Variants in SP2 observed in about 807,000 individuals in gnomAD.
SP2 encodes the protein Sp2 transcription factor.
Under a neutral mutation model 50.1 loss-of-function variants are expected in SP2, and 9 were observed. That is an observed-to-expected ratio of 0.18 (90% CI 0.11 to 0.31). The LOEUF (loss-of-function observed/expected upper bound fraction) is 0.31, where lower values mean the gene tolerates loss of function less well. Among genes scored for constraint, SP2 ranks in the 10% least tolerant of loss-of-function variants. The probability of loss-of-function intolerance (pLI) is 1.00; values close to 1 mark genes in which losing one functional copy is unlikely to be tolerated. For missense variants in SP2, 581 were observed against 806.5 expected (o/e 0.72, Z 3.39); for synonymous variants, 313 against 326.6 (o/e 0.96, Z 0.45).
chr17:47,915,519 A>G (rs997106775), intron 2 of SP2, 131 bp downstream of exon 2: 3 of 541,228 alleles, frequency 5.5e-6, no homozygotes, highest in Non-Finnish European at 9.4e-6. Context: ...AGTTAGCCAC[A>G]TTTTCTTTAC....
At position 47,928,159 on chromosome 17, in the gene SP2, C is replaced by T. The variant is rs971837957; in HGVS notation, c.*335C>T. On this transcript the variant is annotated 3_prime_UTR_variant, in exon 7 of 7. Coordinates refer to ENST00000376741, the MANE Select transcript of SP2 (RefSeq NM_003110.6). ...TCACTCCGTCGAGGAGCAAAGTGAG[C>T]CCCTACCCCCCACCCCGATCCCCGC... 2 of 215,286 alleles carry T rather than the reference C, an allele frequency of 9.3e-6. No homozygotes were observed. Among genetic ancestry groups the T allele is most frequent in the Non-Finnish European group, 9.7e-6 (1 of 103,574 alleles). 13.3% of individuals were successfully genotyped at this position (215,286 alleles called of 1,614,324 possible).
chr17:47,915,487 G>T, intron 2 of SP2, 99 bp downstream of exon 2: 1 of 707,176 alleles, frequency 1.4e-6, no homozygotes, highest in Non-Finnish European at 2.3e-6. Flanking sequence ...AATACCCTAG[G>T]TTATGAGACT....
intron 1 of SP2, among the ~76,000 whole-genome samples, chr17:47,897,018 G>C (rs1030744073): frequency 5.3e-5 from 8 of 152,246 alleles, no homozygotes; most frequent in Non-Finnish European, 1.2e-4. Flanking sequence ...AGAAGTTTGA[G>C]AACTTCTTGC....
In SP2 at chr17:47,916,106, G is replaced by C; in HGVS notation, c.85-50G>C. Reference sequence around the variant, plus strand: ...GAGAGGATCATGGACAGAGGCGGCCGGGCAGCGGGCCTTCCTGTCTCACTC... The same window carrying C: ...GAGAGGATCATGGACAGAGGCGGCCCGGCAGCGGGCCTTCCTGTCTCACTC... On this transcript the variant is annotated intron_variant, in intron 2 of 6. Transcript: ENST00000376741. The surrounding 1 kb of genome is among the most constrained non-coding windows in gnomAD (Gnocchi z 4.7). 6.4e-7 allele frequency: 1 copy of C among 1,553,722 alleles called. No individual in the cohort carries two copies. Among genetic ancestry groups the C allele is most frequent in the Non-Finnish European group, 8.7e-7 (1 of 1,150,524 alleles).
Position 47,925,453 on chromosome 17 carries a change from C to T in SP2, c.1653C>T (p.Gly551=), listed in dbSNP as rs148743427. Residue 551 remains glycine (G), a synonymous_variant, in exon 6 of 7, where the codon GGC becomes GGT. Transcript: ENST00000376741. ...LLRAHVRLHT[G]ERPFVCNWFF... is the part of the protein sequence containing the mutation. ...GTGCCCATGTGCGCCTGCACACTGG[C>T]GAGCGGCCCTTTGTCTGCAACTGGT... The T allele has an allele frequency of 7.4e-6, 12 of 1,614,106 alleles. No individual in the cohort carries two copies. Among genetic ancestry groups the T allele is most frequent in the African/African-American group, 5.3e-5 (4 of 74,942 alleles).
In SP2 at chr17:47,916,638, G is replaced by A. The variant is rs370442344; in HGVS notation, c.567G>A (p.Thr189=). ...IKPAPIQKSS[T]TTTPVQSGAN... Reference sequence around the variant, plus strand: ...CAGCCCCCATCCAGAAGTCGAGTACGACCACCACCCCCGTGCAGAGCGGGG... The same window carrying A: ...CAGCCCCCATCCAGAAGTCGAGTACAACCACCACCCCCGTGCAGAGCGGGG... Residue 189 remains threonine, a synonymous_variant, in exon 3 of 7, where the codon ACG becomes ACA. Coordinates refer to ENST00000376741, the MANE Select transcript of SP2 (RefSeq NM_003110.6). The surrounding 1 kb of genome is among the most constrained non-coding windows in gnomAD (Gnocchi z 4.7). 3.3e-5 allele frequency: 53 copies of A among 1,613,858 alleles called. No homozygotes were observed. The Admixed American group carries it at 8.0e-4, about 24-fold the overall frequency.
downstream of SP2, among the ~76,000 whole-genome samples, chr17:47,931,342 G>A (rs138959619): frequency 1.3e-5 from 2 of 152,142 alleles, no homozygotes; most frequent in East Asian, 1.9e-4. Context: ...GCAAGACTCT[G>A]TCTCAAAAAA....
intron 3 of SP2, among the ~76,000 whole-genome samples, chr17:47,922,251 G>C (rs1406128535): frequency 1.3e-5 from 2 of 151,956 alleles, no homozygotes; most frequent in African/African-American, 4.8e-5. Flanking sequence ...TACCCACCAC[G>C]GACACCCTCC....
At chr17:47,925,601 C>A in intron 6 of SP2, 60 bp downstream of exon 6, 1 of 1,358,956 alleles carries the variant, frequency 7.4e-7, no homozygotes, top group African/African-American at 1.4e-5. Context: ...CCTCTCCTCC[C>A]ACCCCCACTC....
At position 47,923,052 on chromosome 17, in the gene SP2, T is replaced by G. The variant is rs751474678; in HGVS notation, c.1150T>G (p.Cys384Gly). 1.2e-6 allele frequency: 2 copies of G among 1,614,078 alleles called. No homozygotes were observed. The highest frequency in any genetic ancestry group is 2.7e-5 in the African/African-American group (2 of 74,930). ...AGCTGCAGCCACCTCTAACACCACC[T>G]GTAGCAGCCCTGCATCCCGTGCTCC... Reference protein sequence around the residue: ...ATAAATSNTTCSSPASRAPHL... With the variant: ...ATAAATSNTTGSSPASRAPHL... Residue 384 changes from cysteine (C) to glycine (G), a missense_variant, in exon 4 of 7, where the codon TGT (cysteine) becomes GGT (glycine). Cys to Gly is a radical substitution (Grantham distance 159). Transcript: ENST00000376741.
chr17:47,927,209 T>C (rs1047386966), intron 6 of SP2, among the ~76,000 whole-genome samples: 5 of 150,700 alleles, frequency 3.3e-5, no homozygotes, highest in Admixed American at 1.3e-4. Context: ...AAATGGGGGG[T>C]CAGAGAGAAA....
chr17:47,916,195 T>C lies in SP2; in HGVS notation c.124T>C (p.Cys42Arg). ...TCCCTTAGCCCTGCTTGCTGCAACA[T>C]GTAGCAAAATTGGCCCTCCAGCAGT... ...PSPLALLAAT[C>R]SKIGPPAVEA... Residue 42 changes from cysteine (C) to arginine (R), a missense_variant, in exon 3 of 7, where the codon TGT (cysteine) becomes CGT (arginine). Physicochemically the swap from Cys to Arg is radical, Grantham distance 180. This residue lies in a region of SP2 where 397 missense variants were observed against 491.0 expected (regional missense o/e 0.81). Coordinates refer to ENST00000376741, the MANE Select transcript of SP2 (RefSeq NM_003110.6). This position sits in a 1 kb window ranked among gnomAD's most constrained non-coding sequence, Gnocchi z 4.7. The C allele has an allele frequency of 6.2e-7, 1 of 1,613,630 alleles. No individual in the cohort carries two copies. Among genetic ancestry groups the C allele is most frequent in the Non-Finnish European group, 8.5e-7 (1 of 1,179,718 alleles).
chr17:47,931,324 G>A (rs145135423), downstream of SP2, among the ~76,000 whole-genome samples: 39 of 152,284 alleles, frequency 2.6e-4, no homozygotes, highest in East Asian at 7.5e-3. Context: ...TCCAGCCTGG[G>A]TGACAGAGCA....
In SP2 at chr17:47,916,783, A is replaced by G. The variant is rs1298323954; in HGVS notation, c.712A>G (p.Thr238Ala). The change falls in exon 3 of 7, where the codon ACC becomes GCC. Residue 238 changes from threonine (T) to alanine (A), a missense_variant. By Grantham distance (58) the Thr-to-Ala change is moderately conservative. Transcript: ENST00000376741. The surrounding 1 kb of genome is among the most constrained non-coding windows in gnomAD (Gnocchi z 4.7). ...TCAGCTCCTCACTGAAAGCCCCCCA[A>G]CCCCGCTGTCTAAGACTAACAAGAA... ...PTQLLTESPPTPLSKTNKKAR... is the reference protein window; with the variant it reads ...PTQLLTESPPAPLSKTNKKAR... The G allele has an allele frequency of 6.2e-7, 1 of 1,613,840 alleles. No individual in the cohort carries two copies. The highest frequency in any genetic ancestry group is 1.3e-5 in the African/African-American group (1 of 74,912).
rs533142438 is a variant in SP2, at chr17:47,902,248, GC to G, written c.7+5956del. 2.0e-4 allele frequency among the ~76,000 whole-genome samples: 30 copies of G among 152,202 alleles called. 1 individual carries two copies. Among genetic ancestry groups the G allele is most frequent in the Non-Finnish European group, 3.4e-4 (23 of 68,038 alleles). ...TATGTTCAGGAACAGCAGGGAGCCA[GC>G]ATGGCTAAAGCAGTGAGAGAGGGAG... On this transcript the variant is annotated intron_variant, in intron 1 of 6. Transcript: ENST00000376741.
Position 47,925,528 on chromosome 17 carries a change from T to C in SP2, c.1728T>C (p.Ala576=), listed in dbSNP as rs976881186. The C allele has an allele frequency of 6.2e-7, 1 of 1,613,834 alleles. No individual in the cohort carries two copies. Among genetic ancestry groups the C allele is most frequent in the Non-Finnish European group, 8.5e-7 (1 of 1,179,938 alleles). ...FTRSDELQRH[A]RTHTGDKRFE... is the part of the protein sequence containing the mutation. ...GGAGTGACGAGCTCCAACGGCATGC[T>C]CGCACCCACACAGGTCAGCCCCCTG... The change falls in exon 6 of 7, where the codon GCT becomes GCC. Residue 576 remains alanine (A), a synonymous_variant. Coordinates refer to ENST00000376741, the MANE Select transcript of SP2 (RefSeq NM_003110.6).
chr17:47,901,527 C>G (rs1305620043), intron 1 of SP2, among the ~76,000 whole-genome samples: 2 of 152,148 alleles, frequency 1.3e-5, no homozygotes, highest in Non-Finnish European at 2.9e-5. Flanking sequence ...GGTGCTATCC[C>G]GGCTCTGCCA....
At chr17:47,920,452 G>A (rs187724924) in intron 3 of SP2, among the ~76,000 whole-genome samples, 127 of 151,926 alleles carry the variant, frequency 8.4e-4, no homozygotes, top group African/African-American at 2.9e-3. Context: ...ATGCCCAGCT[G>A]ATTTTTTGTA....
chr17:47,904,182 G>A (rs953078289), intron 1 of SP2, among the ~76,000 whole-genome samples: 7 of 145,620 alleles, frequency 4.8e-5, no homozygotes, highest in Non-Finnish European at 7.5e-5. Context: ...GGAGAATGGC[G>A]TGAACCCGGG....
Sources: gnomAD v4.1 joint callset for allele counts (sites outside exome capture counted in the v4.1 genomes callset) on GRCh38, gnomAD v4.1.1 for gene constraint, gnomAD v4.1.1 regional missense constraint, Gnocchi (gnomAD v3.1) non-coding constraint, MANE v1.5 for transcripts, NCBI Gene and HGNC (gene_info 2026-07-23, HGNC 2026-07-21) for gene names.